Variants in PKD1L1 observed in about 807,000 individuals in gnomAD.
PKD1L1 encodes the protein polycystin-1-like protein 1.
In PKD1L1, 236 loss-of-function variants were observed where a neutral mutation model predicts 323.4. The observed-to-expected ratio is 0.73, with a 90% CI of 0.66 to 0.81. The LOEUF (loss-of-function observed/expected upper bound fraction) is 0.81. Ranked by LOEUF, PKD1L1 falls within the 40% of genes least tolerant of loss-of-function variation. PKD1L1 has a pLI of 0.00. For missense variants in PKD1L1, 3,320 were observed against 3,508.0 expected (o/e 0.95, Z 1.35); for synonymous variants, 1,344 against 1,335.0 (o/e 1.01, Z -0.15).
intron 45 of PKD1L1, among the ~76,000 whole-genome samples, chr7:47,822,615 A>C (rs1439141569): frequency 2.0e-5 from 3 of 151,386 alleles, no homozygotes; most frequent in Non-Finnish European, 3.0e-5. Context: ...AAAAAAAAAA[A>C]AAAACAGCTG....
intron 13 of PKD1L1, among the ~76,000 whole-genome samples, 169 bp downstream of exon 13, chr7:47,902,210 G>A (rs1014777322): frequency 3.3e-5 from 5 of 152,226 alleles, no homozygotes; most frequent in African/African-American, 1.2e-4. Context: ...GAGGACCCAG[G>A]TCACCCGCTC....
chr7:47,824,918 G>A (rs1006223940), intron 45 of PKD1L1, among the ~76,000 whole-genome samples: 2 of 152,196 alleles, frequency 1.3e-5, no homozygotes, highest in Non-Finnish European at 2.9e-5. Flanking sequence ...GTGTGGGTAT[G>A]TTCATGTTTT....
At chr7:47,847,649 G>A (rs1318353788) in intron 31 of PKD1L1, among the ~76,000 whole-genome samples, 1 of 152,142 alleles carries the variant, frequency 6.6e-6, no homozygotes, top group Non-Finnish European at 1.5e-5. Context: ...AATAAGTGGT[G>A]TTGGGACAAC....
At chr7:47,921,172 T>C (rs1260461287) in intron 7 of PKD1L1, among the ~76,000 whole-genome samples, 2 of 131,778 alleles carry the variant, frequency 1.5e-5, no homozygotes, top group African/African-American at 2.9e-5. Flanking sequence ...ATCCAGTATC[T>C]ACAATGAATT....
chr7:47,821,111 G>A lies in PKD1L1; in HGVS notation c.6930C>T (p.Tyr2310=). Residue 2310 remains tyrosine (Y), a synonymous_variant, in exon 46 of 57, where the codon TAC becomes TAT. Coordinates refer to ENST00000289672, the MANE Select transcript of PKD1L1 (RefSeq NM_138295.5). ...CTTTCCGGATAGCTTGATTGAGGGA[G>A]TATTCATCTTGGGAAAATCTCCCAT... is the stretch of plus-strand genomic sequence containing the variant. ...VIYGRFSQDE[Y]SLNQAIRKEF... 2.5e-6 allele frequency: 4 copies of A among 1,606,092 alleles called. No individual in the cohort carries two copies. Among genetic ancestry groups the A allele is most frequent in the Non-Finnish European group, 3.4e-6 (4 of 1,172,678 alleles).
chr7:47,885,018 T>A (rs900885603), intron 18 of PKD1L1, among the ~76,000 whole-genome samples: 4 of 152,204 alleles, frequency 2.6e-5, no homozygotes, highest in Admixed American at 1.3e-4. Context: ...AGAGAAAATG[T>A]CTCACTCTTT....
chr7:47,882,591 T>C (rs888552011), intron 19 of PKD1L1, among the ~76,000 whole-genome samples: 1 of 148,414 alleles, frequency 6.7e-6, no homozygotes, highest in Non-Finnish European at 1.5e-5. Flanking sequence ...AGACTAAGAC[T>C]AGAAGGAGCC....
chr7:47,791,523 AC>A (rs2128723420), intron 56 of PKD1L1, among the ~76,000 whole-genome samples: 1 of 146,796 alleles, frequency 6.8e-6, no homozygotes, highest in East Asian at 2.0e-4. Flanking sequence ...TACAATTTTT[AC>A]CTGTTGATGG....
rs1036560489 is a variant in PKD1L1, at chr7:47,929,300, G to A, written c.964C>T (p.Leu322=). 6.2e-7 allele frequency: 1 copy of A among 1,614,178 alleles called. No individual in the cohort carries two copies. The highest frequency in any genetic ancestry group is 8.5e-7 in the Non-Finnish European group (1 of 1,180,034). ...VHMASGEALC[L]MMDFGDSSGV... is the part of the protein sequence containing the mutation. ...GAACTGTCCCCGAAATCCATCATCA[G>A]ACAGAGAGCCTCTCCAGAAGCCATA... is the stretch of plus-strand genomic sequence containing the variant. Residue 322 remains leucine (L), a synonymous_variant, in exon 7 of 57, where the codon CTG becomes TTG. Coordinates refer to ENST00000289672, the MANE Select transcript of PKD1L1 (RefSeq NM_138295.5).
chr7:47,951,574 A>C (rs1788205817), upstream of PKD1L1, among the ~76,000 whole-genome samples: 1 of 152,208 alleles, frequency 6.6e-6, no homozygotes, highest in Non-Finnish European at 1.5e-5. Context: ...AAAAGCAAAC[A>C]CAGGTGTTTA....
intron 8 of PKD1L1, among the ~76,000 whole-genome samples, chr7:47,913,603 C>G (rs56351389): frequency 1.1e-4 from 16 of 152,086 alleles, no homozygotes; most frequent in East Asian, 3.9e-4. Flanking sequence ...GCACCTCCCC[C>G]CCTCTTGCTC....
At chr7:47,877,899 T>A (rs1391627967) in intron 21 of PKD1L1, among the ~76,000 whole-genome samples, 1 of 152,084 alleles carries the variant, frequency 6.6e-6, no homozygotes, top group Non-Finnish European at 1.5e-5. Flanking sequence ...ACTGCCTATA[T>A]GTTCATTAAT....
At chr7:47,906,113 C>T in intron 9 of PKD1L1, 151 bp from the exon 10 acceptor site, 1 of 723,016 alleles carries the variant, frequency 1.4e-6, no homozygotes. Flanking sequence ...TGAAATCAGA[C>T]ATACCTGGGA....
intron 26 of PKD1L1, among the ~76,000 whole-genome samples, chr7:47,860,383 CT>C (rs1562962348): frequency 6.6e-6 from 1 of 152,182 alleles, no homozygotes; most frequent in African/African-American, 2.4e-5. Flanking sequence ...ACAGACTAAT[CT>C]TTTTCTTCTT....
intron 10 of PKD1L1, 131 bp downstream of exon 10, chr7:47,905,712 C>T (rs1393640481): frequency 9.5e-6 from 12 of 1,266,560 alleles, no homozygotes; most frequent in Middle Eastern, 1.9e-4. Context: ...GAACAAAGAA[C>T]CTGTTCAATG....
At chr7:47,794,997 A>G (rs1238527842) in intron 55 of PKD1L1, among the ~76,000 whole-genome samples, 1 of 151,972 alleles carries the variant, frequency 6.6e-6, no homozygotes, top group Admixed American at 6.5e-5. Flanking sequence ...CTTATTTTTT[A>G]TTTTACAGGC....
intron 27 of PKD1L1, 109 bp from the exon 28 acceptor site, chr7:47,857,941 T>C (rs1785942284): frequency 1.1e-5 from 11 of 1,037,890 alleles, no homozygotes; most frequent in Non-Finnish European, 1.4e-5. Flanking sequence ...CATCTCAAGT[T>C]AGATTGGATG....
chr7:47,925,023 A>G (rs1562992770), intron 7 of PKD1L1, among the ~76,000 whole-genome samples: 1 of 152,236 alleles, frequency 6.6e-6, no homozygotes, highest in Non-Finnish European at 1.5e-5. Flanking sequence ...CTTCAAGATA[A>G]CTATAAACAA....
chr7:47,791,325 T>A (rs2128723376), intron 56 of PKD1L1, among the ~76,000 whole-genome samples: 1 of 152,332 alleles, frequency 6.6e-6, no homozygotes, highest in South Asian at 2.1e-4. Context: ...ATCCATATAG[T>A]TTATTCTCTT....
Sources: allele counts gnomAD v4.1 joint callset (sites outside exome capture counted in the v4.1 genomes callset), GRCh38; gene constraint gnomAD v4.1.1; transcripts MANE v1.5; gene names NCBI Gene and HGNC (gene_info 2026-07-23, HGNC 2026-07-21).